ADH4: variants seen among roughly 807,000 people sequenced by gnomAD.
ADH4 encodes alcohol dehydrogenase 4 (class II), pi polypeptide.
Under a neutral mutation model 35.2 loss-of-function variants are expected in ADH4, and 31 were observed. The observed-to-expected ratio is 0.88, with a 90% CI of 0.66 to 1.19. The LOEUF is 1.19. Ranked by LOEUF, ADH4 falls within the 50% of genes most tolerant of loss-of-function variation. The pLI, the probability that ADH4 is intolerant of heterozygous loss-of-function variation, is 0.00. For missense variants in ADH4, 476 were observed against 458.3 expected, an observed-to-expected ratio of 1.04 and a Z score of -0.35; for synonymous variants, 171 against 160.2, an observed-to-expected ratio of 1.07 and a Z score of -0.51.
chr4:99,142,793 A>G lies in ADH4; in HGVS notation c.19-13T>C. On this transcript the variant is annotated splice_polypyrimidine_tract_variant and intron_variant, in intron 1 of 8. Transcript: ENST00000265512. ...TGCATTTAATAACCTGAAAGAGAGA[A>G]AGAAAAGGAAGAGGGAGATAGAGAT... 4 of 1,582,994 alleles carry G rather than the reference A, an allele frequency of 2.5e-6. No homozygotes were observed. The highest frequency in any genetic ancestry group is 3.4e-6 in the Non-Finnish European group (4 of 1,164,380).
rs974670062 is a variant in ADH4 at position 99,139,080 on chromosome 4, T to C, written c.331A>G (p.Asn111Asp). Residue 111 changes from asparagine to aspartate, a missense_variant, in exon 4 of 9, where the codon AAT becomes GAT. Coordinates refer to ENST00000265512, the MANE Select transcript of ADH4 (RefSeq NM_000670.5). ...GCTTACCTGATTTTCCCACACAAAT[T>C]TGTGAGTGGACTCAGACAAAACTTG... ...KCKFCLSPLTNLCGKISNLKS... is the reference protein window; with the variant it reads ...KCKFCLSPLTDLCGKISNLKS... 1.9e-6 allele frequency: 3 copies of C among 1,612,866 alleles called. No individual in the cohort carries two copies. Among genetic ancestry groups the C allele is most frequent in the South Asian group, 1.1e-5 (1 of 90,932 alleles).
chr4:99,125,176 G>C (rs1402669049), intron 8 of ADH4, among the ~76,000 whole-genome samples: 1 of 152,168 alleles, frequency 6.6e-6, no homozygotes. Flanking sequence ...GCAGTTGGGT[G>C]GTAGGAGGGC....
rs1231770440 is a variant in ADH4, at chr4:99,124,312, T to C, written c.*130A>G. On this transcript the variant is annotated 3_prime_UTR_variant, in exon 9 of 9. Transcript: ENST00000265512. Reference sequence around the variant, plus strand: ...AAAGTCTATAATATTTAAAGCTCTTTTATGTTCCCATATTAAATGTAAATA... The same window carrying C: ...AAAGTCTATAATATTTAAAGCTCTTCTATGTTCCCATATTAAATGTAAATA... 1.5e-6 allele frequency: 1 copy of C among 662,448 alleles called. No individual in the cohort carries two copies. The highest frequency in any genetic ancestry group is 3.2e-5 in the Admixed American group (1 of 31,722). 41.0% of individuals were successfully genotyped at this position (662,448 alleles called of 1,614,324 possible). A position where few individuals can be genotyped will look rare whatever the true frequency, so the allele number is the denominator to read the frequency against.
At chr4:99,140,606 G>A (rs1055370087) in intron 3 of ADH4, among the ~76,000 whole-genome samples, 1 of 151,326 alleles carries the variant, frequency 6.6e-6, no homozygotes, top group Admixed American at 6.6e-5. Context: ...GGTGGCTCAT[G>A]CCTGTAATCC....
intron 1 of ADH4, 148 bp from the exon 2 acceptor site, chr4:99,142,928 TTATAGA>T: frequency 1.6e-6 from 1 of 612,908 alleles, no homozygotes; most frequent in East Asian, 2.7e-5. Context: ...TAGCTGGATC[TTATAGA>T]TATTATTTTA....
In ADH4 at chr4:99,131,676, C is replaced by A. The variant is rs1729276743; in HGVS notation, c.671G>T (p.Arg224Ile). ...VMGCKAAGASRIIGIDINSEK... is the reference protein window; with the variant it reads ...VMGCKAAGASIIIGIDINSEK... ...ACTGTTGATGTCAATACCTATGATT[C>A]TGGAAGCTCCTGCTGCTTTACAACC... Residue 224 changes from arginine to isoleucine, a missense_variant, in exon 6 of 9, where the codon AGA becomes ATA. Transcript: ENST00000265512. The A allele has an allele frequency of 5.0e-6, 8 of 1,614,044 alleles. No individual in the cohort carries two copies. The highest frequency in any genetic ancestry group is 5.1e-6 in the Non-Finnish European group (6 of 1,180,028).
intron 2 of ADH4, 38 bp from the exon 3 acceptor site, chr4:99,141,720 A>G: frequency 6.3e-7 from 1 of 1,597,270 alleles, no homozygotes; most frequent in Non-Finnish European, 8.6e-7. Flanking sequence ...TGTTTCTGCA[A>G]CTATATTATT....
At chr4:99,133,511 G>A (rs965468982) in intron 5 of ADH4, 1 of 152,182 alleles carries the variant, frequency 6.6e-6, no homozygotes, top group Non-Finnish European at 1.5e-5. Flanking sequence ...TGCCTTTTGG[G>A]CAGAATTACT....
chr4:99,137,680 G>C (rs1188454411), intron 4 of ADH4, among the ~76,000 whole-genome samples: 1 of 152,174 alleles, frequency 6.6e-6, no homozygotes, highest in Non-Finnish European at 1.5e-5. Flanking sequence ...AAAGTAGAAG[G>C]AATAGCATAA....
chr4:99,141,624 C>A lies in ADH4; in HGVS notation c.179G>T (p.Gly60Val). Residue 60 changes from glycine (G) to valine (V), a missense_variant, in exon 3 of 9, where the codon GGC (glycine) becomes GTC (valine). By Grantham distance (109) the Gly-to-Val change is moderately radical (BLOSUM62 -3). Coordinates refer to ENST00000265512, the MANE Select transcript of ADH4 (RefSeq NM_000670.5). ...GCCAACGATCACTGGGAAAGCTAGG[C>A]CCTCAAATTTAGAATCGATAACAGT... ...DATVIDSKFE[G>V]LAFPVIVGHE... is the part of the protein sequence containing the mutation. The A allele has an allele frequency of 6.2e-7, 1 of 1,614,038 alleles. No individual in the cohort carries two copies. The highest frequency in any genetic ancestry group is 8.5e-7 in the Non-Finnish European group (1 of 1,179,978).
chr4:99,126,255 C>T (rs1002451684), intron 8 of ADH4, among the ~76,000 whole-genome samples: 4 of 151,080 alleles, frequency 2.6e-5, no homozygotes, highest in Admixed American at 1.3e-4. Flanking sequence ...CAGAACACCA[C>T]GGTGCTAAAC....
At position 99,126,704 on chromosome 4, in the gene ADH4, C is replaced by T. The variant is rs1268505512; in HGVS notation, c.1008G>A (p.Lys336=). ...GGWKSVDSIP[K]LVTDYKNKKF... is the part of the protein sequence containing the mutation. ...TCTTATTCTTATAGTCAGTGACCAG[C>T]TTTGGGATAGAATCTACACTTTTCC... The change falls in exon 8 of 9, where the codon AAG becomes AAA. Residue 336 remains lysine, a synonymous_variant. Coordinates refer to ENST00000265512, the MANE Select transcript of ADH4 (RefSeq NM_000670.5). The T allele has an allele frequency of 3.1e-6, 5 of 1,609,760 alleles. No homozygotes were observed. Among genetic ancestry groups the T allele is most frequent in the Non-Finnish European group, 3.4e-6 (4 of 1,176,998 alleles).
chr4:99,135,307 T>C (rs1729401299), intron 5 of ADH4, among the ~76,000 whole-genome samples: 1 of 151,938 alleles, frequency 6.6e-6, no homozygotes, highest in African/African-American at 2.4e-5. Context: ...TGCATGCCTG[T>C]AATCCCAGCT....
In ADH4 at chr4:99,140,641, G is replaced by A. The variant is rs1238658136; in HGVS notation, c.262+900C>T. Among the ~76,000 whole-genome samples the A allele has an allele frequency of 2.0e-5, 3 of 151,996 alleles. No individual in the cohort carries two copies. In the East Asian group the frequency reaches 5.8e-4, roughly 29 times the overall value. On this transcript the variant is annotated intron_variant, in intron 3 of 8. Coordinates refer to ENST00000265512, the MANE Select transcript of ADH4 (RefSeq NM_000670.5). ...CCAGCACTTTGGGAGGCCGAGGTGGGTGGATCACCTGAGGTCAGTAGTTCG... is the reference window on the plus strand; with the variant it reads ...CCAGCACTTTGGGAGGCCGAGGTGGATGGATCACCTGAGGTCAGTAGTTCG...
At chr4:99,129,906 C>A (rs1699071044) in intron 6 of ADH4, among the ~76,000 whole-genome samples, 2 of 152,254 alleles carry the variant, frequency 1.3e-5, no homozygotes, top group Middle Eastern at 3.4e-3. Context: ...ACACTTTTCC[C>A]ATGTCTGATT....
In ADH4 at chr4:99,124,178, C is replaced by T. The variant is rs973502633; in HGVS notation, c.*264G>A. 1.2e-5 allele frequency: 4 copies of T among 329,602 alleles called. No individual in the cohort carries two copies. Among genetic ancestry groups the T allele is most frequent in the African/African-American group, 8.7e-5 (4 of 45,956 alleles). 20.4% of individuals were successfully genotyped at this position (329,602 alleles called of 1,614,324 possible). ...TTATCTCTTCATTCCCCACTTTCAACTTCCCAGAACTAATTTTAAACAATT... is the reference window on the plus strand; with the variant it reads ...TTATCTCTTCATTCCCCACTTTCAATTTCCCAGAACTAATTTTAAACAATT... On this transcript the variant is annotated 3_prime_UTR_variant, in exon 9 of 9. Transcript: ENST00000265512.
chr4:99,126,635 G>A lies in ADH4; in HGVS notation c.1077C>T (p.Asp359=). The A allele has an allele frequency of 6.2e-7, 1 of 1,609,734 alleles. No homozygotes were observed. The change falls in exon 8 of 9, where the codon GAC becomes GAT. Residue 359 remains aspartate (D), a synonymous_variant. Coordinates refer to ENST00000265512, the MANE Select transcript of ADH4 (RefSeq NM_000670.5). The part of the protein sequence containing the change: ...DALVTHTLPF[D]KISEAFDLMN... ...TTAGGTCAAATGCCTCACTGATTTT[G>A]TCAAAAGGCAGGGTATGGGTCACCA...
chr4:99,143,286 C>T lies in ADH4; in HGVS notation c.19-506G>A, dbSNP rs572400778. 3.7e-4 allele frequency: 260 copies of T among 698,816 alleles called. 1 individual carries two copies. Among genetic ancestry groups the T allele is most frequent in the South Asian group, 3.0e-3 (200 of 67,096 alleles). The allele number at this position is 698,816 out of a possible 1,614,324, so 43.3% of individuals were successfully genotyped here. ...TTTGTTAGAGATGAAAGCCCTGCCT[C>T]AAATCCACTAAATCAAAATCTGCAT... On this transcript the variant is annotated intron_variant, in intron 1 of 8. Coordinates refer to ENST00000265512, the MANE Select transcript of ADH4 (RefSeq NM_000670.5).
chr4:99,131,839 A>G lies in ADH4; in HGVS notation c.583-75T>C, dbSNP rs1729286195. 4.7e-6 allele frequency: 7 copies of G among 1,485,902 alleles called. No homozygotes were observed. In the South Asian group the frequency reaches 7.9e-5, roughly 17 times the overall value. 92.0% of individuals were successfully genotyped at this position (1,485,902 alleles called of 1,614,324 possible). A position where few individuals can be genotyped will look rare whatever the true frequency, so the allele number is the denominator to read the frequency against. ...TTTTTTCTTTTAAGAGTCAGGAGGA[A>G]GTGGGGGCATGAACATATGAATTAA... On this transcript the variant is annotated intron_variant, in intron 5 of 8. Transcript: ENST00000265512.
Sources: allele counts gnomAD v4.1 joint callset (sites outside exome capture counted in the v4.1 genomes callset), GRCh38; gene constraint gnomAD v4.1.1; transcripts MANE v1.5; gene names NCBI Gene and HGNC (gene_info 2026-07-23, HGNC 2026-07-21).